NAF1: variants seen among roughly 807,000 people sequenced by gnomAD.
NAF1 encodes H/ACA ribonucleoprotein complex non-core subunit NAF1.
Under a neutral mutation model 40.6 loss-of-function variants are expected in NAF1, and 11 were observed. The ratio of observed to expected loss-of-function variants is 0.27; its 90% CI spans 0.17 to 0.45. The LOEUF is 0.45. Among genes scored for constraint, NAF1 ranks in the 20% least tolerant of loss-of-function variants. The pLI, the probability that NAF1 is intolerant of heterozygous loss-of-function variation, is 1.00. For synonymous variants in NAF1, 260 were observed against 228.5 expected (o/e 1.14, Z -1.24); for missense variants, 607 against 611.1 (o/e 0.99, Z 0.07).
intron 6 of NAF1, 76 bp from the exon 7 acceptor site, chr4:163,133,332 A>G (rs1440339062): frequency 8.9e-7 from 1 of 1,121,190 alleles, no homozygotes; most frequent in East Asian, 2.4e-5. Context: ...GGAGGTGAAG[A>G]AAATAAGCCT....
At chr4:163,125,250 T>G (rs1730622675), downstream of NAF1, among the ~76,000 whole-genome samples, 1 of 152,236 alleles carries the variant, frequency 6.6e-6, no homozygotes, top group Non-Finnish European at 1.5e-5. Context: ...TCTCTCACTT[T>G]ACATCAAAAG....
At position 163,142,094 on chromosome 4, in the gene NAF1, A is replaced by G. The variant is rs143218336; in HGVS notation, c.718-1711T>C. 980 of 177,052 alleles carry G rather than the reference A, an allele frequency of 5.5e-3. 14 individuals carry two copies. The highest frequency in any genetic ancestry group is 0.021 in the African/African-American group (899 of 42,044). 11.0% of individuals were successfully genotyped at this position (177,052 alleles called of 1,614,324 possible). A position where few individuals can be genotyped will look rare whatever the true frequency, so the allele number is the denominator to read the frequency against. Reference sequence around the variant, plus strand: ...AAAAACTTTAAGAAAATAGCAAGACATCTGCTTTGAAAAGGTTTAGATAAA... The same window carrying G: ...AAAAACTTTAAGAAAATAGCAAGACGTCTGCTTTGAAAAGGTTTAGATAAA... On this transcript the variant is annotated intron_variant, in intron 4 of 7. Transcript: ENST00000274054.
chr4:163,154,316 A>G (rs1037866690), intron 2 of NAF1, among the ~76,000 whole-genome samples: 1 of 152,214 alleles, frequency 6.6e-6, no homozygotes, highest in Admixed American at 6.5e-5. Flanking sequence ...AACTCTACCT[A>G]TAAAAGTGAT....
chr4:163,159,250 A>T (rs1026196237), intron 2 of NAF1, among the ~76,000 whole-genome samples: 1 of 152,124 alleles, frequency 6.6e-6, no homozygotes, highest in Admixed American at 6.5e-5. Flanking sequence ...ACTTTAATTT[A>T]AAAAACCCTG....
chr4:163,154,061 C>T (rs1243801841), intron 2 of NAF1, among the ~76,000 whole-genome samples: 1 of 152,094 alleles, frequency 6.6e-6, no homozygotes, highest in Non-Finnish European at 1.5e-5. Context: ...CCAGCAAGAC[C>T]ACGAACCCAC....
intron 1 of NAF1, among the ~76,000 whole-genome samples, chr4:163,165,020 T>C (rs1352924507): frequency 6.6e-6 from 1 of 152,196 alleles, no homozygotes; most frequent in Non-Finnish European, 1.5e-5. Context: ...CTTTCTCTTC[T>C]TTCGCTACTA....
intron 2 of NAF1, chr4:163,119,893 A>G (rs533370212): frequency 1.3e-5 from 2 of 152,294 alleles, no homozygotes; most frequent in East Asian, 3.9e-4. Context: ...GCCGGTAAAT[A>G]TTTTTCTGCC....
At position 163,148,396 on chromosome 4, in the gene NAF1, A is replaced by C. The variant is rs1386282499; in HGVS notation, c.579T>G (p.Pro193=). 3.8e-6 allele frequency: 6 copies of C among 1,583,914 alleles called. No individual in the cohort carries two copies. The highest frequency in any genetic ancestry group is 1.7e-4 in the Middle Eastern group (1 of 6,002). The change falls in exon 3 of 8, where the codon CCT becomes CCG. Residue 193 remains proline (P), a synonymous_variant. Transcript: ENST00000274054. The stretch of plus-strand genomic sequence containing the variant: ...CAAGAGGCTTTAACTCAATATCTTC[A>C]GGCAGAATAATAGTGAGTTCTTCAA... ...PSVEELTIIL[P]EDIELKPLGM...
downstream of NAF1, among the ~76,000 whole-genome samples, chr4:163,109,176 T>C (rs1199135209): frequency 3.5e-4 from 47 of 134,888 alleles, 1 homozygote; most frequent in Admixed American, 3.3e-3. Context: ...TTTTTTTTTT[T>C]CACATGGAAA....
At chr4:163,128,509 ACT>A (rs948615293), downstream of NAF1, among the ~76,000 whole-genome samples, 3 of 151,898 alleles carry the variant, frequency 2.0e-5, no homozygotes, top group African/African-American at 7.3e-5. Flanking sequence ...TAGTTTAAAG[ACT>A]CTCAAAAGGA....
chr4:163,164,305 G>A lies in NAF1; in HGVS notation c.452C>T (p.Pro151Leu), dbSNP rs1464283173. ...ATCATCATCTCCATCTGACAGCACT[G>A]GAGGAAGTGATATACAAGAGGAAGA... Reference protein sequence around the residue: ...SSSSSCISLPPVLSDGDDDLQ... With the variant: ...SSSSSCISLPLVLSDGDDDLQ... Residue 151 changes from proline (P) to leucine (L), a missense_variant, in exon 2 of 8, where the codon CCA becomes CTA. This residue lies in a region of NAF1 where 407 missense variants were observed against 365.5 expected (regional missense o/e 1.11). Coordinates refer to ENST00000274054, the MANE Select transcript of NAF1 (RefSeq NM_138386.3). 1.2e-6 allele frequency: 2 copies of A among 1,600,808 alleles called. No homozygotes were observed. The highest frequency in any genetic ancestry group is 1.7e-6 in the Non-Finnish European group (2 of 1,175,272).
downstream of NAF1, chr4:163,128,606 C>CTATATATATATATATATA (rs61471175): frequency 3.3e-6 from 1 of 307,392 alleles, no homozygotes; most frequent in African/African-American, 2.4e-5. Flanking sequence ...ATATCCATTA[C>CTATATATATATATATATA]TATATATATA....
chr4:163,110,402 A>G (rs1730124975), intron 2 of NAF1: 1 of 628,000 alleles, frequency 1.6e-6, no homozygotes, highest in South Asian at 1.9e-5. Context: ...AGTTGTTGTT[A>G]ATCTCTTACT....
chr4:163,147,788 GA>G (rs926849300), intron 3 of NAF1, among the ~76,000 whole-genome samples: 8 of 152,164 alleles, frequency 5.3e-5, no homozygotes, highest in African/African-American at 9.6e-5. Flanking sequence ...TAAAAGCAGA[GA>G]ACCTTTCCAC....
downstream of NAF1, among the ~76,000 whole-genome samples, chr4:163,124,174 A>C (rs1730587945): frequency 6.6e-6 from 1 of 152,244 alleles, no homozygotes; most frequent in Admixed American, 6.5e-5. Context: ...AAGACAACAT[A>C]GCAAGACCCT....
At chr4:163,110,346 T>A in intron 2 of NAF1, 1 of 680,252 alleles carries the variant, frequency 1.5e-6, no homozygotes, top group Admixed American at 2.1e-5. Flanking sequence ...TACATTCACA[T>A]AACTGTTACT....
Position 163,128,822 on chromosome 4 carries a change from T to C in NAF1, c.*75A>G. 2 of 1,407,064 alleles carry C rather than the reference T, an allele frequency of 1.4e-6. No homozygotes were observed. Among genetic ancestry groups the C allele is most frequent in the South Asian group, 1.6e-5 (1 of 62,714 alleles). 87.2% of individuals were successfully genotyped at this position (1,407,064 alleles called of 1,614,324 possible). A position where few individuals can be genotyped will look rare whatever the true frequency, so the allele number is the denominator to read the frequency against. On this transcript the variant is annotated 3_prime_UTR_variant, in exon 8 of 8. Coordinates refer to ENST00000274054, the MANE Select transcript of NAF1 (RefSeq NM_138386.3). ...CAGTGTTTTTAAAAATCTAGCTCCA[T>C]AATCACTCTTGAAAAAAAAAAATCC...
chr4:163,137,373 C>G, intron 5 of NAF1, 123 bp from the exon 6 acceptor site: 1 of 967,618 alleles, frequency 1.0e-6, no homozygotes, highest in Non-Finnish European at 1.5e-6. Context: ...TTTTGCAATA[C>G]AGTTATGTGT....
chr4:163,113,390 G>A (rs1263873268), intron 2 of NAF1, among the ~76,000 whole-genome samples: 1 of 149,498 alleles, frequency 6.7e-6, no homozygotes, highest in East Asian at 2.0e-4. Flanking sequence ...TTTTTTAATA[G>A]TTATGCCATC....
Sources: allele counts gnomAD v4.1 joint callset (sites outside exome capture counted in the v4.1 genomes callset), GRCh38; gene constraint gnomAD v4.1.1; regional missense constraint gnomAD v4.1.1; transcripts MANE v1.5; gene names NCBI Gene and HGNC (gene_info 2026-07-23, HGNC 2026-07-21).